SNRPN: variants seen among roughly 807,000 people sequenced by gnomAD.
The protein encoded by SNRPN is small nuclear ribonucleoprotein polypeptide N.
A neutral mutation model predicts 25.2 loss-of-function variants in SNRPN; 7 were observed. The observed-to-expected ratio is 0.28, with a 90% CI of 0.16 to 0.52. SNRPN has a LOEUF of 0.52. Among genes scored for constraint, SNRPN ranks in the 20% least tolerant of loss-of-function variants. The pLI is 0.96. For synonymous variants in SNRPN, 124 were observed against 110.6 expected (o/e 1.12, Z -0.76); for missense variants, 196 against 322.5 (o/e 0.61, Z 3.00).
intron 2 of SNRPN, among the ~76,000 whole-genome samples, chr15:24,892,056 A>C (rs1450554210): frequency 9.6e-6 from 1 of 104,242 alleles, no homozygotes; most frequent in Non-Finnish European, 1.9e-5. Context: ...GGTTTTTAAG[A>C]TCTTCATTTG....
At chr15:24,876,892 C>CTT (rs2055953625) in intron 1 of SNRPN, among the ~76,000 whole-genome samples, 1 of 152,098 alleles carries the variant, frequency 6.6e-6, no homozygotes, top group Non-Finnish European at 1.5e-5. Flanking sequence ...TTTCAGTACA[C>CTT]TTGAAGGAAG....
At chr15:24,925,390 G>A (rs1031562521) in intron 3 of SNRPN, among the ~76,000 whole-genome samples, 15 of 151,970 alleles carry the variant, frequency 9.9e-5, no homozygotes, top group Admixed American at 3.3e-4. Context: ...TGGGAAGATC[G>A]CTCAAGGCCA....
chr15:24,848,231 T>TGGCGGGGGC (rs1566821386), intron 2 of SNRPN: 1 of 95,434 alleles, frequency 1.0e-5, no homozygotes, highest in African/African-American at 4.7e-5. Flanking sequence ...GGGGCGGCGG[T>TGGCGGGGGC]GGGGGCGGGG....
chr15:24,955,606 G>A (rs866784390), intron 1 of SNRPN, among the ~76,000 whole-genome samples: 4 of 149,602 alleles, frequency 2.7e-5, no homozygotes, highest in South Asian at 2.2e-4. Flanking sequence ...GGGCGACTGG[G>A]GGGGGAATTC....
intron 2 of SNRPN, among the ~76,000 whole-genome samples, chr15:24,902,314 T>C (rs1395600663): frequency 5.3e-5 from 8 of 152,158 alleles, no homozygotes; most frequent in African/African-American, 1.7e-4. Flanking sequence ...TGTATAGGAA[T>C]GTAGTTGAAA....
chr15:24,848,012 G>A (rs1265205654), intron 2 of SNRPN, among the ~76,000 whole-genome samples: 2 of 151,886 alleles, frequency 1.3e-5, no homozygotes, highest in Non-Finnish European at 2.9e-5. Flanking sequence ...TACATAAAAC[G>A]TTTTCCACTC....
At chr15:24,954,017 C>G (rs1315539780), upstream of SNRPN, among the ~76,000 whole-genome samples, 1 of 152,076 alleles carries the variant, frequency 6.6e-6, no homozygotes, top group African/African-American at 2.4e-5. Flanking sequence ...CTCCCTTCTT[C>G]GATAATGGGC....
Position 24,955,027 on chromosome 15 carries a change from C to T in SNRPN, c.-426C>T, listed in dbSNP as rs781733715. 1.9e-6 allele frequency: 3 copies of T among 1,612,902 alleles called. No homozygotes were observed. Among genetic ancestry groups the T allele is most frequent in the Non-Finnish European group, 2.5e-6 (3 of 1,179,960 alleles). Reference sequence around the variant, plus strand: ...CGCCGGAGATGCCTGACGCATCTGTCTGAGGAGCGGTCAGTGACGCGATGG... The same window carrying T: ...CGCCGGAGATGCCTGACGCATCTGTTTGAGGAGCGGTCAGTGACGCGATGG... On this transcript the variant is annotated 5_prime_UTR_variant, in exon 1 of 10. Coordinates refer to ENST00000390687, the MANE Select transcript of SNRPN (RefSeq NM_003097.6).
At chr15:24,837,621 G>A (rs552816733) in intron 2 of SNRPN, among the ~76,000 whole-genome samples, 13 of 151,920 alleles carry the variant, frequency 8.6e-5, no homozygotes, top group African/African-American at 1.5e-4. Flanking sequence ...CACCCGCCTC[G>A]GCCACCCAAA....
intron 1 of SNRPN, among the ~76,000 whole-genome samples, chr15:24,883,867 C>G (rs1021849281): frequency 6.6e-6 from 1 of 151,266 alleles, no homozygotes; most frequent in Admixed American, 6.6e-5. Flanking sequence ...CAAAAATTAA[C>G]CGGGCATTTA....
chr15:24,921,929 T>C (rs1339969482), intron 3 of SNRPN, among the ~76,000 whole-genome samples: 1 of 150,502 alleles, frequency 6.6e-6, no homozygotes, highest in Admixed American at 6.7e-5. Context: ...CCGGGCACGG[T>C]GGCTCACGCC....
intron 2 of SNRPN, among the ~76,000 whole-genome samples, chr15:24,846,947 A>G (rs2052258631): frequency 6.6e-6 from 1 of 152,324 alleles, no homozygotes; most frequent in African/African-American, 2.4e-5. Flanking sequence ...GACCCTGTAC[A>G]GGCAAAGAAA....
intron 3 of SNRPN, among the ~76,000 whole-genome samples, chr15:24,945,894 G>A (rs573484591): frequency 2.0e-5 from 3 of 152,298 alleles, no homozygotes; most frequent in African/African-American, 7.2e-5. Context: ...CTGTGGGACA[G>A]ATGGTGCATG....
intron 2 of SNRPN, among the ~76,000 whole-genome samples, chr15:24,887,434 C>T (rs987143957): frequency 1.3e-5 from 2 of 151,818 alleles, no homozygotes; most frequent in Non-Finnish European, 2.9e-5. Flanking sequence ...CAGCATGAGC[C>T]ATCGCACCTG....
chr15:24,863,988 T>C (rs1326409321), intron 1 of SNRPN, among the ~76,000 whole-genome samples: 2 of 149,626 alleles, frequency 1.3e-5, no homozygotes, highest in Non-Finnish European at 3.0e-5. Context: ...AGATGTTTTT[T>C]CTTTTTTAAA....
intron 1 of SNRPN, among the ~76,000 whole-genome samples, chr15:24,867,092 G>T (rs1351571544): frequency 6.6e-6 from 1 of 152,130 alleles, no homozygotes; most frequent in Non-Finnish European, 1.5e-5. Context: ...AAATATACAT[G>T]AGTGTAGGTA....
chr15:24,954,857 C>G (rs1181437333), upstream of SNRPN: 1 of 737,452 alleles, frequency 1.4e-6, no homozygotes, highest in Non-Finnish European at 2.2e-6. Flanking sequence ...CAGGTCATTC[C>G]GGTGAGGGAG....
At chr15:24,884,739 A>G (rs868059297) in intron 1 of SNRPN, among the ~76,000 whole-genome samples, 43 of 152,316 alleles carry the variant, frequency 2.8e-4, no homozygotes, top group African/African-American at 9.6e-4. Flanking sequence ...ATGAGAAACA[A>G]TGTTGGAATA....
At chr15:24,974,605 G>C in intron 4 of SNRPN, 149 bp downstream of exon 4, 1 of 787,314 alleles carries the variant, frequency 1.3e-6, no homozygotes, top group South Asian at 1.5e-5. Context: ...AGTATCAGCT[G>C]AAGATGAGCT....
Sources: gnomAD v4.1 joint callset for allele counts (sites outside exome capture counted in the v4.1 genomes callset) on GRCh38, gnomAD v4.1.1 for gene constraint, MANE v1.5 for transcripts, NCBI Gene and HGNC (gene_info 2026-07-23, HGNC 2026-07-21) for gene names.